SMOC2: variants seen among roughly 807,000 people sequenced by gnomAD.
The protein encoded by SMOC2 is SPARC-related modular calcium-binding protein 2.
Under a neutral mutation model 61.4 loss-of-function variants are expected in SMOC2, and 39 were observed. The observed-to-expected ratio is 0.64, with a 90% CI of 0.49 to 0.83. The LOEUF is 0.83. SMOC2 is among the 40% of genes least tolerant of loss of function. SMOC2 has a pLI of 0.00. For synonymous variants in SMOC2, 247 were observed against 239.9 expected, an observed-to-expected ratio of 1.03 and a Z score of -0.27; for missense variants, 556 against 592.9, an observed-to-expected ratio of 0.94 and a Z score of 0.65.
intron 1 of SMOC2, among the ~76,000 whole-genome samples, chr6:168,469,140 G>C (rs1781912484): frequency 6.6e-6 from 1 of 152,180 alleles, no homozygotes; most frequent in Non-Finnish European, 1.5e-5. Context: ...TGGCCCTTCT[G>C]TTCTTACTCC....
intron 1 of SMOC2, among the ~76,000 whole-genome samples, chr6:168,468,466 G>A (rs941248476): frequency 3.3e-5 from 5 of 152,132 alleles, no homozygotes; most frequent in African/African-American, 7.2e-5. Flanking sequence ...GTCCCCCACC[G>A]ACTGCCTTCT....
chr6:168,529,779 T>C (rs1783541638), intron 4 of SMOC2, among the ~76,000 whole-genome samples: 1 of 152,218 alleles, frequency 6.6e-6, no homozygotes, highest in African/African-American at 2.4e-5. Flanking sequence ...AGTTATATAA[T>C]GCAGAGAAGC....
chr6:168,625,175 AGGGCAT>A (rs1181379632), intron 9 of SMOC2, among the ~76,000 whole-genome samples: 1 of 152,200 alleles, frequency 6.6e-6, no homozygotes, highest in Non-Finnish European at 1.5e-5. Flanking sequence ...GAAAAGCACT[AGGGCAT>A]GTGGGGCACG....
chr6:168,616,953 G>A (rs1786110891), intron 9 of SMOC2, among the ~76,000 whole-genome samples: 1 of 152,220 alleles, frequency 6.6e-6, no homozygotes, highest in South Asian at 2.1e-4. Context: ...AGGGACACAG[G>A]TGAAGTGAGC....
At chr6:168,625,478 C>T (rs940246520) in intron 9 of SMOC2, among the ~76,000 whole-genome samples, 2 of 152,236 alleles carry the variant, frequency 1.3e-5, no homozygotes, top group African/African-American at 4.8e-5. Flanking sequence ...CCCCGCATGG[C>T]GTTCTTGGGA....
At chr6:168,502,341 C>T (rs887933350) in intron 1 of SMOC2, among the ~76,000 whole-genome samples, 6 of 152,262 alleles carry the variant, frequency 3.9e-5, no homozygotes, top group African/African-American at 7.2e-5. Context: ...GCTCCATACA[C>T]GTCCCTGGTC....
chr6:168,492,440 C>G (rs1381401547), intron 1 of SMOC2, among the ~76,000 whole-genome samples: 1 of 152,234 alleles, frequency 6.6e-6, no homozygotes. Context: ...GGGGCAAATT[C>G]GCACAACAAT....
chr6:168,494,899 T>C (rs1414680187), intron 1 of SMOC2, among the ~76,000 whole-genome samples: 2 of 152,212 alleles, frequency 1.3e-5, no homozygotes, highest in East Asian at 3.9e-4. Flanking sequence ...CCATCCTGGC[T>C]GAGGCCTCCC....
intron 1 of SMOC2, among the ~76,000 whole-genome samples, chr6:168,481,934 A>G (rs993911375): frequency 2.0e-4 from 30 of 151,886 alleles, no homozygotes; most frequent in African/African-American, 6.8e-4. Flanking sequence ...TATTAATTCT[A>G]CCCTTTAAAA....
At chr6:168,605,618 A>G (rs1012286717) in intron 8 of SMOC2, among the ~76,000 whole-genome samples, 2 of 152,108 alleles carry the variant, frequency 1.3e-5, no homozygotes, top group Non-Finnish European at 2.9e-5. Context: ...ACATACCTCT[A>G]TCCCAAATGT....
intron 7 of SMOC2, among the ~76,000 whole-genome samples, chr6:168,554,887 G>A (rs957045131): frequency 2.6e-5 from 4 of 152,182 alleles, no homozygotes; most frequent in Admixed American, 2.0e-4. Context: ...CCAAGATGCC[G>A]GGGGCATCTG....
rs532758110 is a variant in SMOC2, at chr6:168,536,705, G to A, written c.464-6920G>A. Among the ~76,000 whole-genome samples the A allele has an allele frequency of 6.8e-4, 103 of 152,174 alleles. 1 individual carries two copies. The highest frequency in any genetic ancestry group is 1.3e-3 in the Non-Finnish European group (86 of 68,032). On this transcript the variant is annotated intron_variant, in intron 4 of 12. Coordinates refer to ENST00000356284, the MANE Select transcript of SMOC2 (RefSeq NM_001166412.2). ...TGAGGTGGGAGGAGCTAAGGGCAGT[G>A]TGGACCTGGGCTGTGCCACCCCCTG...
intron 1 of SMOC2, among the ~76,000 whole-genome samples, chr6:168,462,303 TG>T (rs991170577): frequency 2.0e-5 from 3 of 152,196 alleles, no homozygotes; most frequent in African/African-American, 7.2e-5. Flanking sequence ...CAGATTGTCC[TG>T]GGGGAAGTTT....
At chr6:168,482,818 G>A (rs1335610253) in intron 1 of SMOC2, among the ~76,000 whole-genome samples, 3 of 151,994 alleles carry the variant, frequency 2.0e-5, no homozygotes, top group Non-Finnish European at 4.4e-5. Context: ...ATCTCAATTA[G>A]ATGAAGAAAG....
chr6:168,638,529 A>G (rs1786805379), intron 9 of SMOC2, among the ~76,000 whole-genome samples: 1 of 152,096 alleles, frequency 6.6e-6, no homozygotes, highest in African/African-American at 2.4e-5. Flanking sequence ...GTCTGGAGGG[A>G]ATGCTTTCAG....
At chr6:168,464,936 C>T (rs1176872167) in intron 1 of SMOC2, among the ~76,000 whole-genome samples, 1 of 152,222 alleles carries the variant, frequency 6.6e-6, no homozygotes, top group Non-Finnish European at 1.5e-5. Flanking sequence ...GGGGTGGCTC[C>T]AGGTGGGTGG....
chr6:168,441,601 G>A, intron 1 of SMOC2, 147 bp downstream of exon 1: 1 of 1,197,872 alleles, frequency 8.3e-7, no homozygotes, highest in Non-Finnish European at 1.1e-6. Context: ...TCGCCTGCCG[G>A]CGAGGCTGGA....
At chr6:168,631,268 C>A (rs184000621) in intron 9 of SMOC2, among the ~76,000 whole-genome samples, 18 of 152,218 alleles carry the variant, frequency 1.2e-4, no homozygotes, top group African/African-American at 3.9e-4. Flanking sequence ...TAGAAAAGAA[C>A]CTACGTGAAT....
At chr6:168,545,301 T>C (rs1434997253) in intron 5 of SMOC2, among the ~76,000 whole-genome samples, 1 of 150,346 alleles carries the variant, frequency 6.7e-6, no homozygotes, top group Non-Finnish European at 1.5e-5. Flanking sequence ...GGCATGAAAG[T>C]GAGTTAAGGA....
Sources: allele counts gnomAD v4.1 joint callset (sites outside exome capture counted in the v4.1 genomes callset), GRCh38; gene constraint gnomAD v4.1.1; transcripts MANE v1.5; gene names NCBI Gene and HGNC (gene_info 2026-07-23, HGNC 2026-07-21).